The following NPAS3 variants were observed in gnomAD, a reference collection of about 807,000 sequenced individuals.
NPAS3 encodes neuronal PAS domain protein 3.
NPAS3 carries 14 observed loss-of-function variants against 73.1 expected under a neutral mutation model. The ratio of observed to expected loss-of-function variants is 0.19; its 90% CI spans 0.13 to 0.30. The LOEUF is 0.30. NPAS3 is among the 10% of genes least tolerant of loss of function. The probability of loss-of-function intolerance (pLI) is 1.00; values close to 1 mark genes in which losing one functional copy is unlikely to be tolerated. For missense variants in NPAS3, 1,096 were observed against 1,250.0 expected (o/e 0.88, Z 1.86); for synonymous variants, 620 against 541.5 (o/e 1.14, Z -2.01).
rs73268609 is a variant in NPAS3 at position 33,103,403 on chromosome 14, A to G, written c.140+47409A>G. 3.6e-3 allele frequency among the ~76,000 whole-genome samples: 550 copies of G among 152,196 alleles called. 4 individuals are homozygous for G. Among genetic ancestry groups the G allele is most frequent in the African/African-American group, 0.013 (527 of 41,532 alleles). Reference sequence around the variant, plus strand: ...TATCAACCTTCATGTGCTGTTCTGTATATTATTTCTGGCTTACTTAAGTGG... The same window carrying G: ...TATCAACCTTCATGTGCTGTTCTGTGTATTATTTCTGGCTTACTTAAGTGG... On this transcript the variant is annotated intron_variant, in intron 2 of 11. Coordinates refer to ENST00000356141, the Ensembl canonical transcript of NPAS3.
At chr14:33,685,016 C>G (rs2060049920) in intron 6 of NPAS3, among the ~76,000 whole-genome samples, 1 of 152,206 alleles carries the variant, frequency 6.6e-6, no homozygotes, top group Non-Finnish European at 1.5e-5. Flanking sequence ...GAACTTGTAT[C>G]TTTTCTCTAG....
intron 3 of NPAS3, among the ~76,000 whole-genome samples, chr14:33,240,442 CTT>C (rs752876365): frequency 4.6e-5 from 7 of 151,646 alleles, no homozygotes; most frequent in Admixed American, 1.3e-4. Context: ...TAATTGGACT[CTT>C]TGTCTAATTT....
intron 6 of NPAS3, 79 bp from the exon 7 acceptor site, chr14:33,735,135 A>G: frequency 1.1e-6 from 1 of 943,470 alleles, no homozygotes; most frequent in Non-Finnish European, 1.7e-6. Flanking sequence ...AGTGAACTCA[A>G]GGATTGCACC....
chr14:33,723,467 A>G (rs1490934051), intron 6 of NPAS3, among the ~76,000 whole-genome samples: 2 of 152,178 alleles, frequency 1.3e-5, no homozygotes, highest in Non-Finnish European at 2.9e-5. Flanking sequence ...TTATTCAGCA[A>G]GGTTAATTGG....
intron 2 of NPAS3, among the ~76,000 whole-genome samples, chr14:33,147,730 A>T (rs868297898): frequency 3.1e-4 from 40 of 130,348 alleles, no homozygotes; most frequent in African/African-American, 8.4e-4. Context: ...TAGAATAAAA[A>T]ATATATATAT....
chr14:33,629,893 T>C (rs2058331508), intron 5 of NPAS3, among the ~76,000 whole-genome samples: 2 of 152,206 alleles, frequency 1.3e-5, no homozygotes, highest in Admixed American at 1.3e-4. Context: ...ATCTCTTTTC[T>C]TTGTGCAATG....
At chr14:33,375,725 A>G (rs191922325) in intron 4 of NPAS3, among the ~76,000 whole-genome samples, 202 of 152,346 alleles carry the variant, frequency 1.3e-3, no homozygotes, top group African/African-American at 4.7e-3. Context: ...GCATTTAGGA[A>G]AATGTTTTTA....
At chr14:33,226,506 G>A (rs2139743958) in intron 3 of NPAS3, among the ~76,000 whole-genome samples, 1 of 152,162 alleles carries the variant, frequency 6.6e-6, no homozygotes, top group South Asian at 2.1e-4. Flanking sequence ...CTAGTTTTTT[G>A]CGGGTAAAAT....
chr14:33,441,667 G>A (rs2049255205), intron 4 of NPAS3, among the ~76,000 whole-genome samples: 1 of 152,144 alleles, frequency 6.6e-6, no homozygotes, highest in African/African-American at 2.4e-5. Flanking sequence ...GTATTAGTCT[G>A]TTCTGATGCT....
intron 1 of NPAS3, among the ~76,000 whole-genome samples, chr14:32,976,144 T>A (rs1183553125): frequency 6.6e-6 from 1 of 152,102 alleles, no homozygotes; most frequent in Non-Finnish European, 1.5e-5. Flanking sequence ...AGATTGGGAA[T>A]CTAAAGGTAC....
intron 3 of NPAS3, among the ~76,000 whole-genome samples, chr14:33,328,446 CTTTTTTTTTTTTTTTTTTTTTTTTTT>C (rs58411120): frequency 6.5e-4 from 32 of 49,600 alleles, no homozygotes; most frequent in African/African-American, 9.1e-4. Flanking sequence ...CTTTTCTTTT[CTTTTTTTTTTTTTTTTTTTTTTTTTT>C]TTTTTTTTTT....
At chr14:33,004,355 T>G (rs1412353457) in intron 1 of NPAS3, among the ~76,000 whole-genome samples, 1 of 152,226 alleles carries the variant, frequency 6.6e-6, no homozygotes, top group African/African-American at 2.4e-5. Context: ...CTGTACAGCA[T>G]GTTATTGTAC....
intron 4 of NPAS3, among the ~76,000 whole-genome samples, chr14:33,534,448 G>A (rs887932668): frequency 6.6e-6 from 1 of 152,120 alleles, no homozygotes; most frequent in African/African-American, 2.4e-5. Context: ...ATAGTTGCTA[G>A]GAGCTGGATA....
chr14:33,333,655 G>A (rs1254632992), intron 3 of NPAS3, among the ~76,000 whole-genome samples: 1 of 152,022 alleles, frequency 6.6e-6, no homozygotes, highest in African/African-American at 2.4e-5. Flanking sequence ...TCATTTGGGT[G>A]GATTGGTTTC....
intron 2 of NPAS3, among the ~76,000 whole-genome samples, chr14:33,141,897 A>G (rs764860080): frequency 3.3e-5 from 5 of 152,186 alleles, no homozygotes; most frequent in Non-Finnish European, 5.9e-5. Context: ...GTGTGTGAGG[A>G]TGACATCATT....
chr14:33,608,786 G>A (rs1288851790), intron 5 of NPAS3: 1 of 152,198 alleles, frequency 6.6e-6, no homozygotes, highest in East Asian at 1.9e-4. Context: ...ACCAGTCATT[G>A]AGAATTCAGC....
intron 1 of NPAS3, among the ~76,000 whole-genome samples, chr14:33,049,445 T>G (rs2040625864): frequency 6.6e-6 from 1 of 152,160 alleles, no homozygotes; most frequent in East Asian, 1.9e-4. Flanking sequence ...TGGGGAAGCC[T>G]CACAATCATG....
chr14:33,007,614 G>C (rs1248507967), intron 1 of NPAS3, among the ~76,000 whole-genome samples: 1 of 152,196 alleles, frequency 6.6e-6, no homozygotes, highest in Non-Finnish European at 1.5e-5. Flanking sequence ...TTAGAAGCAA[G>C]TGCTACTACA....
At chr14:32,993,332 G>A (rs1472042945) in intron 1 of NPAS3, among the ~76,000 whole-genome samples, 1 of 152,086 alleles carries the variant, frequency 6.6e-6, no homozygotes, top group African/African-American at 2.4e-5. Flanking sequence ...GGAAGAACAG[G>A]AGACTCCAGG....
Sources: gnomAD v4.1 joint callset for allele counts (sites outside exome capture counted in the v4.1 genomes callset) on GRCh38, gnomAD v4.1.1 for gene constraint, MANE v1.5 for transcripts, NCBI Gene and HGNC (gene_info 2026-07-23, HGNC 2026-07-21) for gene names.